The following JPH1 variants were observed in gnomAD, a reference collection of about 807,000 sequenced individuals.
JPH1 encodes junctophilin-1.
In JPH1, 12 loss-of-function variants were observed where a neutral mutation model predicts 53.6. The ratio of observed to expected loss-of-function variants is 0.22; its 90% CI spans 0.14 to 0.36. The LOEUF (loss-of-function observed/expected upper bound fraction) is 0.36. JPH1 is among the 10% of genes least tolerant of loss of function. The pLI is 1.00. For missense variants in JPH1, 808 were observed against 905.5 expected (o/e 0.89, Z 1.38); for synonymous variants, 375 against 363.8 (o/e 1.03, Z -0.35).
chr8:74,320,700 C>T lies in JPH1; in HGVS notation c.379+209G>A, dbSNP rs763765687. Reference sequence around the variant, plus strand: ...GTGGATACACGGCCCGCTCCAAGAACGGGGTCAGATCCAGCCCTCGCGCCC... The same window carrying T: ...GTGGATACACGGCCCGCTCCAAGAATGGGGTCAGATCCAGCCCTCGCGCCC... On this transcript the variant is annotated intron_variant, in intron 1 of 5. Transcript: ENST00000342232. This position sits in a 1 kb window ranked among gnomAD's most constrained non-coding sequence, Gnocchi z 4.4. Among the ~76,000 whole-genome samples the T allele has an allele frequency of 2.0e-5, 3 of 152,172 alleles. No individual in the cohort carries two copies. The highest frequency in any genetic ancestry group is 4.4e-5 in the Non-Finnish European group (3 of 68,012).
chr8:74,259,525 G>A lies in JPH1; in HGVS notation c.1140-22C>T, dbSNP rs144791464. On this transcript the variant is annotated intron_variant, in intron 2 of 5. Coordinates refer to ENST00000342232, the MANE Select transcript of JPH1 (RefSeq NM_020647.4). Reference sequence around the variant, plus strand: ...AGTCCTACACGGGGCACAAAAGGACGAGTCAGCATAGGTGACCCCTTGTTA... The same window carrying A: ...AGTCCTACACGGGGCACAAAAGGACAAGTCAGCATAGGTGACCCCTTGTTA... 1.1e-5 allele frequency: 17 copies of A among 1,510,196 alleles called. No homozygotes were observed. In the East Asian group the frequency reaches 3.2e-4, roughly 28 times the overall value. 93.5% of individuals were successfully genotyped at this position (1,510,196 alleles called of 1,614,324 possible).
intron 2 of JPH1, among the ~76,000 whole-genome samples, chr8:74,281,401 G>A (rs1160349898): frequency 6.6e-6 from 1 of 152,156 alleles, no homozygotes. Flanking sequence ...ATCCCTCAGT[G>A]AGCCAGTTTG....
chr8:74,307,746 A>G (rs1807881448), intron 2 of JPH1, among the ~76,000 whole-genome samples: 1 of 152,264 alleles, frequency 6.6e-6, no homozygotes, highest in African/African-American at 2.4e-5. Context: ...AACTTTGTTT[A>G]AAAATATAAT....
In JPH1 at chr8:74,239,911, T is replaced by C. The variant is rs148801421; in HGVS notation, c.1906-2608A>G. ...ATGTGTAATAATCACATCAGGGTAA[T>C]GAGGTATCCAACACCTAAAGCATTT... On this transcript the variant is annotated intron_variant, in intron 4 of 5. Coordinates refer to ENST00000342232, the MANE Select transcript of JPH1 (RefSeq NM_020647.4). Among the ~76,000 whole-genome samples the C allele has an allele frequency of 8.8e-3, 1,345 of 152,326 alleles. 23 individuals are homozygous for C. Among genetic ancestry groups the C allele is most frequent in the African/African-American group, 0.031 (1,274 of 41,578 alleles).
At chr8:74,273,939 T>C (rs1287410700) in intron 2 of JPH1, among the ~76,000 whole-genome samples, 2 of 152,186 alleles carry the variant, frequency 1.3e-5, no homozygotes, top group East Asian at 3.9e-4. Context: ...AAGCCCATTT[T>C]TCCCGTCCCT....
intron 2 of JPH1, among the ~76,000 whole-genome samples, chr8:74,260,058 C>T (rs113534384): frequency 6.6e-6 from 1 of 152,170 alleles, no homozygotes; most frequent in Non-Finnish European, 1.5e-5. Flanking sequence ...AGCATAATGC[C>T]GTTGGATGTG....
chr8:74,315,253 A>G lies in JPH1; in HGVS notation c.747T>C (p.Ser249=), dbSNP rs1808112049. The G allele has an allele frequency of 6.2e-7, 1 of 1,614,190 alleles. No individual in the cohort carries two copies. The highest frequency in any genetic ancestry group is 2.2e-5 in the East Asian group (1 of 44,876). The change falls in exon 2 of 6, where the codon AGT becomes AGC. Residue 249 remains serine, a synonymous_variant. Coordinates refer to ENST00000342232, the MANE Select transcript of JPH1 (RefSeq NM_020647.4). This position sits in a 1 kb window ranked among gnomAD's most constrained non-coding sequence, Gnocchi z 6.3. ...VRSDAAMSRI[S]SSDANSTISF... is the part of the protein sequence containing the mutation. ...TGATCGTGGAGTTGGCATCGCTGGA[A>G]CTAATTCTGCTCATGGCCGCGTCGC... is the stretch of plus-strand genomic sequence containing the variant.
Position 74,258,877 on chromosome 8 carries a change from T to G in JPH1, c.1258+508A>C, listed in dbSNP as rs1041549415. On this transcript the variant is annotated intron_variant, in intron 3 of 5. Transcript: ENST00000342232. ...AATAACCCATCTCCAGGGCTAACAC[T>G]CAGACCTCGGGTGATATTTGTTACT... Among the ~76,000 whole-genome samples, 16 of 152,176 alleles carry G rather than the reference T, an allele frequency of 1.1e-4. 1 individual carries two copies. The highest frequency in any genetic ancestry group is 2.4e-4 in the Non-Finnish European group (16 of 68,032).
chr8:74,300,306 T>C (rs1218089947), intron 2 of JPH1, among the ~76,000 whole-genome samples: 1 of 152,218 alleles, frequency 6.6e-6, no homozygotes, highest in African/African-American at 2.4e-5. Flanking sequence ...AGAGCACTAA[T>C]AAACAAATAC....
chr8:74,260,546 G>A (rs1172052119), intron 2 of JPH1, among the ~76,000 whole-genome samples: 1 of 152,172 alleles, frequency 6.6e-6, no homozygotes, highest in African/African-American at 2.4e-5. Flanking sequence ...TAAATAACTA[G>A]CAGTGAAAAC....
intron 4 of JPH1, among the ~76,000 whole-genome samples, chr8:74,240,197 C>T (rs1402316266): frequency 6.6e-6 from 1 of 152,126 alleles, no homozygotes; most frequent in Non-Finnish European, 1.5e-5. Context: ...GTCCTGAACT[C>T]CTGACCTCAA....
Position 74,315,210 on chromosome 8 carries a change from A to T in JPH1, c.790T>A (p.Cys264Ser). Residue 264 changes from cysteine (C) to serine (S), a missense_variant, in exon 2 of 6, where the codon TGT becomes AGT. Coordinates refer to ENST00000342232, the MANE Select transcript of JPH1 (RefSeq NM_020647.4). The surrounding 1 kb of genome is among the most constrained non-coding windows in gnomAD (Gnocchi z 6.3). Reference sequence around the variant, plus strand: ...TGGTCTTCCACCGGGCAAAAATCACAATCTACATCGCCAAAGCTGATCGTG... The same window carrying T: ...TGGTCTTCCACCGGGCAAAAATCACTATCTACATCGCCAAAGCTGATCGTG... ...NSTISFGDVD[C>S]DFCPVEDHVD... 1 of 1,614,228 alleles carries T rather than the reference A, an allele frequency of 6.2e-7. No homozygotes were observed. The highest frequency in any genetic ancestry group is 8.5e-7 in the Non-Finnish European group (1 of 1,180,046).
chr8:74,246,372 A>G (rs1339996380), intron 3 of JPH1, among the ~76,000 whole-genome samples: 1 of 152,168 alleles, frequency 6.6e-6, no homozygotes, highest in Non-Finnish European at 1.5e-5. Flanking sequence ...CTAACTCACT[A>G]AAAGATTTAC....
intron 2 of JPH1, among the ~76,000 whole-genome samples, chr8:74,286,890 T>A (rs1474068258): frequency 6.6e-6 from 1 of 152,136 alleles, no homozygotes; most frequent in African/African-American, 2.4e-5. Flanking sequence ...CAAACTGAAT[T>A]AAGCTTATAA....
Position 74,315,001 on chromosome 8 carries a change from A to G in JPH1, c.999T>C (p.Asn333=), listed in dbSNP as rs200511053. ...DGSKEEGKYK[N]NILVRGIRKQ... ...TCCTTATCCCACGGACCAGAATATT[A>G]TTTTTGTATTTTCCCTCTTCTTTGG... The change falls in exon 2 of 6, where the codon AAT becomes AAC. Residue 333 remains asparagine, a synonymous_variant. Transcript: ENST00000342232. This position sits in a 1 kb window ranked among gnomAD's most constrained non-coding sequence, Gnocchi z 6.3. The G allele has an allele frequency of 1.2e-6, 2 of 1,614,070 alleles. No individual in the cohort carries two copies. The highest frequency in any genetic ancestry group is 4.5e-5 in the East Asian group (2 of 44,878).
At chr8:74,302,679 G>A (rs1807716953) in intron 2 of JPH1, among the ~76,000 whole-genome samples, 1 of 152,154 alleles carries the variant, frequency 6.6e-6, no homozygotes, top group Admixed American at 6.5e-5. Context: ...CTCCAGGAAA[G>A]TGCCTGTGAC....
intron 1 of JPH1, among the ~76,000 whole-genome samples, chr8:74,319,968 A>G (rs1366433985): frequency 6.6e-6 from 1 of 152,204 alleles, no homozygotes; most frequent in Admixed American, 6.5e-5. Context: ...TATATACACA[A>G]TCTCTTTGGC....
intron 4 of JPH1, among the ~76,000 whole-genome samples, chr8:74,239,618 C>A (rs1333043220): frequency 6.6e-6 from 1 of 152,072 alleles, no homozygotes; most frequent in African/African-American, 2.4e-5. Context: ...CTTTCAATGT[C>A]ACAACTGAGC....
chr8:74,288,841 T>G (rs1354297783), intron 2 of JPH1, among the ~76,000 whole-genome samples: 1 of 152,254 alleles, frequency 6.6e-6, no homozygotes, highest in African/African-American at 2.4e-5. Context: ...CAGACTTATG[T>G]AACTGTAACA....
Sources: gnomAD v4.1 joint callset for allele counts (sites outside exome capture counted in the v4.1 genomes callset) on GRCh38, gnomAD v4.1.1 for gene constraint, Gnocchi (gnomAD v3.1) non-coding constraint, MANE v1.5 for transcripts, NCBI Gene and HGNC (gene_info 2026-07-23, HGNC 2026-07-21) for gene names.